The following DCAF6 variants were observed in gnomAD, a reference collection of about 807,000 sequenced individuals.
DCAF6 encodes DDB1- and CUL4-associated factor 6.
DCAF6 carries 54 observed loss-of-function variants against 125.1 expected under a neutral mutation model. That is an observed-to-expected ratio of 0.43 (90% CI 0.35 to 0.54). The LOEUF is 0.54. Ranked by LOEUF, DCAF6 falls within the 20% of genes least tolerant of loss-of-function variation. DCAF6 has a pLI of 0.01. For synonymous variants in DCAF6, 371 were observed against 390.4 expected (o/e 0.95, Z 0.58); for missense variants, 934 against 1,161.7 (o/e 0.80, Z 2.85).
At chr1:167,901,123 G>T in the DCAF6 span, among the ~76,000 whole-genome samples, 1 of 152,118 alleles carries the variant, frequency 6.6e-6, no homozygotes, top group African/African-American at 2.4e-5. Context: ...AGTGTGTAAT[G>T]TCTGCAATGT....
At position 168,063,690 on chromosome 1, in the gene DCAF6, G is replaced by A. The variant is rs1691903066; in HGVS notation, c.2370G>A (p.Leu790=). 2 of 1,603,232 alleles carry A rather than the reference G, an allele frequency of 1.2e-6. No individual in the cohort carries two copies. Among genetic ancestry groups the A allele is most frequent in the South Asian group, 1.1e-5 (1 of 89,240 alleles). The stretch of plus-strand genomic sequence containing the variant: ...AAGAAAGGAAAGAAATGGAAGAATT[G>A]GATACTTTGAACATTAGAAGGCCGC... ...RRKERKEMEE[L]DTLNIRRPLV... Residue 790 remains leucine (L), a synonymous_variant, in exon 18 of 22, where the codon TTG becomes TTA. Transcript: ENST00000367840.
intron 17 of DCAF6, among the ~76,000 whole-genome samples, chr1:168,052,987 G>C (rs141154760): frequency 6.6e-6 from 1 of 152,114 alleles, no homozygotes; most frequent in African/African-American, 2.4e-5. Context: ...TGCCATACTT[G>C]GAGTGTCACT....
At chr1:168,060,361 C>T (rs1479358365) in intron 17 of DCAF6, among the ~76,000 whole-genome samples, 1 of 151,800 alleles carries the variant, frequency 6.6e-6, no homozygotes, top group Non-Finnish European at 1.5e-5. Flanking sequence ...TTTTTTTCAT[C>T]TTTTTTTAGA....
In DCAF6 at chr1:168,022,732, C is replaced by T. The variant is rs865808833; in HGVS notation, c.1550-256C>T. Among the ~76,000 whole-genome samples, 3 of 152,078 alleles carry T rather than the reference C, an allele frequency of 2.0e-5. No homozygotes were observed. The East Asian group carries it at 5.8e-4, about 29-fold the overall frequency. ...CCTTGCACCTTGTGCCTCTGGTATA[C>T]GAATTTGATAAAAGGTGTATGCATG... On this transcript the variant is annotated intron_variant, in intron 11 of 21. Coordinates refer to ENST00000367840, the MANE Select transcript of DCAF6 (RefSeq NM_001198956.2).
intron 5 of DCAF6, among the ~76,000 whole-genome samples, chr1:167,989,064 T>C (rs959912569): frequency 2.0e-5 from 3 of 151,806 alleles, no homozygotes; most frequent in African/African-American, 4.8e-5. Context: ...CGGGTGACAC[T>C]GCGAGACTCC....
the DCAF6 span, among the ~76,000 whole-genome samples, chr1:167,888,961 G>A: frequency 2.6e-5 from 4 of 151,650 alleles, no homozygotes; most frequent in African/African-American, 7.3e-5. Context: ...TTGAATTTGT[G>A]TATCAGTTCT....
chr1:168,000,027 A>G (rs759674503), intron 7 of DCAF6, among the ~76,000 whole-genome samples: 6 of 152,144 alleles, frequency 3.9e-5, no homozygotes, highest in Admixed American at 1.3e-4. Context: ...TTTAAAGTGA[A>G]AGGCATATGA....
chr1:167,962,651 G>C (rs748942762), intron 2 of DCAF6, among the ~76,000 whole-genome samples: 2 of 152,002 alleles, frequency 1.3e-5, no homozygotes, highest in Non-Finnish European at 2.9e-5. Context: ...GATCCACTCT[G>C]ACAGTCTCTG....
chr1:167,867,658 C>T, the DCAF6 span, among the ~76,000 whole-genome samples: 1 of 151,530 alleles, frequency 6.6e-6, no homozygotes, highest in African/African-American at 2.4e-5. Context: ...CTAGGTGACA[C>T]AAGTAAAGTA....
chr1:168,047,113 T>G (rs1689231847), intron 16 of DCAF6, among the ~76,000 whole-genome samples: 1 of 152,116 alleles, frequency 6.6e-6, no homozygotes, highest in African/African-American at 2.4e-5. Flanking sequence ...AACACAGTAC[T>G]ATAACATTAA....
intron 10 of DCAF6, among the ~76,000 whole-genome samples, chr1:168,006,032 A>G (rs1683284407): frequency 1.3e-5 from 2 of 152,138 alleles, no homozygotes; most frequent in Admixed American, 1.3e-4. Context: ...TTTTAAAGTG[A>G]TATTCTTGAA....
intron 17 of DCAF6, chr1:168,055,943 A>G (rs1690676772): frequency 1.3e-6 from 2 of 1,586,326 alleles, no homozygotes; most frequent in Non-Finnish European, 1.7e-6. Context: ...ATGCTTCTTC[A>G]CTCATAAGTT....
At chr1:168,043,257 C>G in intron 14 of DCAF6, 117 bp downstream of exon 14, 1 of 781,822 alleles carries the variant, frequency 1.3e-6, no homozygotes, top group East Asian at 2.7e-5. Context: ...ACTTTTGCTT[C>G]TATAGTCCAG....
At chr1:167,994,784 G>T (rs1289216866) in intron 7 of DCAF6, among the ~76,000 whole-genome samples, 5 of 151,792 alleles carry the variant, frequency 3.3e-5, no homozygotes, top group Non-Finnish European at 7.4e-5. Context: ...TTGAACTTTG[G>T]CTTGTAAAAG....
At chr1:167,905,246 A>G in the DCAF6 span, 3 of 1,305,020 alleles carry the variant, frequency 2.3e-6, no homozygotes, top group Non-Finnish European at 3.3e-6. Context: ...TCATTTGCTC[A>G]TTTTCCTATT....
chr1:167,868,826 G>A, the DCAF6 span, among the ~76,000 whole-genome samples: 1 of 152,172 alleles, frequency 6.6e-6, no homozygotes, highest in Admixed American at 6.5e-5. Context: ...GATGGCTCAT[G>A]GGTATACCAG....
chr1:168,028,029 C>G (rs1368170533), intron 12 of DCAF6, among the ~76,000 whole-genome samples: 1 of 152,114 alleles, frequency 6.6e-6, no homozygotes, highest in East Asian at 1.9e-4. Context: ...TGTGTAAACA[C>G]ATTGATGGCC....
chr1:168,055,138 C>T (rs978098461), intron 17 of DCAF6, among the ~76,000 whole-genome samples: 9 of 152,048 alleles, frequency 5.9e-5, no homozygotes, highest in Admixed American at 2.0e-4. Flanking sequence ...CTGGGGAATG[C>T]GTCTTTAACA....
the DCAF6 span, chr1:167,870,134 A>G: frequency 9.1e-7 from 1 of 1,097,098 alleles, no homozygotes; most frequent in Non-Finnish European, 1.4e-6. Flanking sequence ...CACAAGGGTC[A>G]TGGCATCCAA....
Sources: allele counts gnomAD v4.1 joint callset (sites outside exome capture counted in the v4.1 genomes callset), GRCh38; gene constraint gnomAD v4.1.1; transcripts MANE v1.5; gene names NCBI Gene and HGNC (gene_info 2026-07-23, HGNC 2026-07-21).